CLIP1: variants seen among roughly 807,000 people sequenced by gnomAD.
CLIP1 encodes CAP-Gly domain containing linker protein 1.
In CLIP1, 66 loss-of-function variants were observed where a neutral mutation model predicts 161.6. The observed-to-expected ratio is 0.41, with a 90% confidence interval of 0.33 to 0.50. The LOEUF (loss-of-function observed/expected upper bound fraction) is 0.50. CLIP1 is among the 20% of genes least tolerant of loss of function. The pLI, the probability that CLIP1 is intolerant of heterozygous loss-of-function variation, is 0.27. For synonymous variants in CLIP1, 598 were observed against 626.2 expected, an observed-to-expected ratio of 0.96 and a Z score of 0.67; for missense variants, 1,376 against 1,702.0, an observed-to-expected ratio of 0.81 and a Z score of 3.37.
chr12:122,305,611 T>G (rs1217380070), intron 20 of CLIP1, among the ~76,000 whole-genome samples: 2 of 152,170 alleles, frequency 1.3e-5, no homozygotes, highest in Non-Finnish European at 2.9e-5. Flanking sequence ...TAATACTGAG[T>G]GTCAACTCGA....
Position 122,276,426 on chromosome 12 carries a change from A to G in CLIP1, c.3966+1728T>C, listed in dbSNP as rs1261387700. On this transcript the variant is annotated intron_variant, in intron 24 of 25. Transcript: ENST00000620786. Reference sequence around the variant, plus strand: ...CACACGTGTGCACGCAAATTAGGAAACATGAAACGAACCATTTGCTGATTG... The same window carrying G: ...CACACGTGTGCACGCAAATTAGGAAGCATGAAACGAACCATTTGCTGATTG... 3 of 1,265,544 alleles carry G rather than the reference A, an allele frequency of 2.4e-6. No individual in the cohort carries two copies. The East Asian group carries it at 1.8e-4, about 77-fold the overall frequency. 78.4% of individuals were successfully genotyped at this position (1,265,544 alleles called of 1,614,324 possible).
chr12:122,274,269 G>C, intron 24 of CLIP1, 107 bp from the exon 25 acceptor site: 1 of 901,992 alleles, frequency 1.1e-6, no homozygotes, highest in Non-Finnish European at 1.7e-6. Context: ...AAAGTGTGCA[G>C]AAGGGGCCAA....
chr12:122,297,919 G>A (rs528425733), intron 20 of CLIP1, among the ~76,000 whole-genome samples: 1 of 152,072 alleles, frequency 6.6e-6, no homozygotes, highest in African/African-American at 2.4e-5. Context: ...GGGTCATGTC[G>A]CCCTCCCAGC....
At chr12:122,398,147 G>A (rs1955996407) in intron 1 of CLIP1, among the ~76,000 whole-genome samples, 2 of 151,654 alleles carry the variant, frequency 1.3e-5, no homozygotes. Flanking sequence ...TGGGCTTGGT[G>A]GCTCATGCCT....
At chr12:122,379,653 A>G (rs1294520815) in intron 2 of CLIP1, among the ~76,000 whole-genome samples, 2 of 151,146 alleles carry the variant, frequency 1.3e-5, no homozygotes, top group African/African-American at 4.9e-5. Context: ...TTCAATTAAA[A>G]ATTCTTTCAG....
intron 3 of CLIP1, chr12:122,365,339 TG>T: frequency 1.1e-6 from 1 of 950,662 alleles, no homozygotes; most frequent in Non-Finnish European, 1.7e-6. Flanking sequence ...ATGGCAAAAG[TG>T]GAAGTCTACA....
Position 122,369,432 on chromosome 12 carries a change from T to C in CLIP1, c.658-5325A>G, listed in dbSNP as rs530497897. ...TCTTCACTGGTCCTAAGTCGACCTC[T>C]GCTTGCCCTACTTTACTCTCTCCTT... On this transcript the variant is annotated intron_variant, in intron 3 of 25. Transcript: ENST00000620786. Among the ~76,000 whole-genome samples, 15 of 152,012 alleles carry C rather than the reference T, an allele frequency of 9.9e-5. 1 individual carries two copies. The highest frequency in any genetic ancestry group is 1.9e-4 in the Non-Finnish European group (13 of 67,990).
chr12:122,367,114 T>A (rs11057731), intron 3 of CLIP1, among the ~76,000 whole-genome samples: 2 of 152,232 alleles, frequency 1.3e-5, no homozygotes, highest in African/African-American at 4.8e-5. Context: ...TCGAAGTCAC[T>A]GTCATGACAA....
rs186101621 is a variant in CLIP1, at chr12:122,362,884, G to A, written c.782+1099C>T. Reference sequence around the variant, plus strand: ...TGCCATGACTCTAAAGGATTACAGTGTTTTAATATGAAGAAAAGATGGCTT... The same window carrying A: ...TGCCATGACTCTAAAGGATTACAGTATTTTAATATGAAGAAAAGATGGCTT... On this transcript the variant is annotated intron_variant, in intron 4 of 25. Transcript: ENST00000620786. Among the ~76,000 whole-genome samples the A allele has an allele frequency of 1.4e-3, 210 of 151,902 alleles. 1 individual carries two copies. The highest frequency in any genetic ancestry group is 2.2e-3 in the Non-Finnish European group (150 of 67,966).
intron 24 of CLIP1, chr12:122,275,644 GCACACACACACACACACACACACA>G (rs71082958): frequency 2.0e-5 from 3 of 147,538 alleles, no homozygotes; most frequent in Admixed American, 2.0e-4. Flanking sequence ...ACACACACGC[GCACACACACACACACACACACACA>G]CACACAAAAT....
rs756510702 is a variant in CLIP1 at position 122,309,835 on chromosome 12, G to A, written c.3521C>T (p.Ala1174Val). 14 of 1,613,774 alleles carry A rather than the reference G, an allele frequency of 8.7e-6. No homozygotes were observed. The highest frequency in any genetic ancestry group is 6.7e-5 in the East Asian group (3 of 44,898). ...AAGTTTAACGTTCTCTTCTTGCAAC[G>A]CTGAAAGCTGCTGGGACTTCTGAGC... is the stretch of plus-strand genomic sequence containing the variant. ...AAAQKSQQLS[A>V]LQEENVKLAE... The change falls in exon 20 of 26, where the codon GCG becomes GTG. Residue 1174 changes from alanine (A) to valine (V), a missense_variant. By Grantham distance (64) the Ala-to-Val change is moderately conservative (BLOSUM62 0). Coordinates refer to ENST00000620786, the MANE Select transcript of CLIP1 (RefSeq NM_001247997.2).
chr12:122,417,729 G>T (rs373194064), intron 1 of CLIP1, among the ~76,000 whole-genome samples: 1 of 151,980 alleles, frequency 6.6e-6, no homozygotes, highest in African/African-American at 2.4e-5. Flanking sequence ...AGCCAGGATG[G>T]TCTCAATCTC....
At chr12:122,415,059 A>G (rs1418144756) in intron 1 of CLIP1, among the ~76,000 whole-genome samples, 2 of 151,916 alleles carry the variant, frequency 1.3e-5, no homozygotes. Flanking sequence ...CTCTGTCTCA[A>G]AAAATAATAA....
intron 1 of CLIP1, chr12:122,399,801 AG>A (rs1426403809): frequency 1.3e-5 from 2 of 152,188 alleles, no homozygotes; most frequent in Admixed American, 1.3e-4. Context: ...CTGCACTCGC[AG>A]ACTTCGGAGC....
chr12:122,365,330 T>C, intron 3 of CLIP1: 1 of 929,936 alleles, frequency 1.1e-6, no homozygotes, highest in Non-Finnish European at 1.8e-6. Flanking sequence ...AGTGTTACCA[T>C]GGCAAAAGTG....
intron 17 of CLIP1, among the ~76,000 whole-genome samples, chr12:122,320,026 G>A (rs886188386): frequency 6.6e-6 from 1 of 152,060 alleles, no homozygotes; most frequent in African/African-American, 2.4e-5. Context: ...TGTAATCCCA[G>A]CACTTTGGGA....
chr12:122,352,004 A>G (rs1472722420), intron 8 of CLIP1, among the ~76,000 whole-genome samples: 3 of 151,664 alleles, frequency 2.0e-5, no homozygotes, highest in Non-Finnish European at 4.4e-5. Flanking sequence ...AAAAGGATTT[A>G]TCCTGCTCAA....
At chr12:122,345,778 T>C (rs896391076) in intron 10 of CLIP1, among the ~76,000 whole-genome samples, 3 of 150,412 alleles carry the variant, frequency 2.0e-5, no homozygotes, top group Admixed American at 6.6e-5. Context: ...TGTAAGTGAC[T>C]ATTTCTTTTT....
At position 122,380,509 on chromosome 12, in the gene CLIP1, C is replaced by A. The variant is rs1262674420; in HGVS notation, c.-57G>T. 2 of 1,084,704 alleles carry A rather than the reference C, an allele frequency of 1.8e-6. No individual in the cohort carries two copies. Among genetic ancestry groups the A allele is most frequent in the Non-Finnish European group, 2.8e-6 (2 of 712,560 alleles). 67.2% of individuals were successfully genotyped at this position (1,084,704 alleles called of 1,614,324 possible). A position where few individuals can be genotyped will look rare whatever the true frequency, so the allele number is the denominator to read the frequency against. On this transcript the variant is annotated 5_prime_UTR_variant, in exon 2 of 26. Coordinates refer to ENST00000620786, the MANE Select transcript of CLIP1 (RefSeq NM_001247997.2). ...GCCTGTTGCCACTATCTTTCCCCAA[C>A]CATTGATACAACTGTGGGTTCTATA...
Sources: allele counts gnomAD v4.1 joint callset (sites outside exome capture counted in the v4.1 genomes callset), GRCh38; gene constraint gnomAD v4.1.1; transcripts MANE v1.5; gene names NCBI Gene and HGNC (gene_info 2026-07-23, HGNC 2026-07-21).